The following PRUNE2 variants were observed in gnomAD, a reference collection of about 807,000 sequenced individuals.
The protein encoded by PRUNE2 is protein prune homolog 2.
A neutral mutation model predicts 252.0 loss-of-function variants in PRUNE2; 164 were observed. The observed-to-expected ratio is 0.65, with a 90% CI of 0.57 to 0.74. The LOEUF (loss-of-function observed/expected upper bound fraction) is 0.74. PRUNE2 is among the 30% of genes least tolerant of loss of function. The pLI is 0.00. For synonymous variants in PRUNE2, 1,292 were observed against 1,350.2 expected (o/e 0.96, Z 0.94); for missense variants, 3,495 against 3,711.0 (o/e 0.94, Z 1.51).
chr9:76,663,615 A>AT (rs951002108), intron 9 of PRUNE2, among the ~76,000 whole-genome samples: 66 of 151,806 alleles, frequency 4.3e-4, no homozygotes, highest in African/African-American at 1.4e-3. Context: ...TTGCATGTCA[A>AT]TTTTTTTTTC....
chr9:76,689,914 G>A (rs2044529171), intron 9 of PRUNE2, among the ~76,000 whole-genome samples: 1 of 152,190 alleles, frequency 6.6e-6, no homozygotes, highest in African/African-American at 2.4e-5. Flanking sequence ...TATCAAAATA[G>A]CAGGCAAATA....
chr9:76,640,146 G>T (rs1841953452), intron 12 of PRUNE2, among the ~76,000 whole-genome samples: 1 of 152,166 alleles, frequency 6.6e-6, no homozygotes, highest in South Asian at 2.1e-4. Context: ...TGAGTAGGAG[G>T]ACAGGACATA....
At chr9:76,812,007 G>A (rs997508702) in intron 6 of PRUNE2, among the ~76,000 whole-genome samples, 1 of 152,206 alleles carries the variant, frequency 6.6e-6, no homozygotes, top group Non-Finnish European at 1.5e-5. Context: ...ACTAAGAAAA[G>A]GAAAGAGGGG....
At chr9:76,712,842 G>A (rs2046843278) in intron 7 of PRUNE2, among the ~76,000 whole-genome samples, 1 of 152,138 alleles carries the variant, frequency 6.6e-6, no homozygotes, top group African/African-American at 2.4e-5. Context: ...GAGCTACAGT[G>A]GAGCTCTTGG....
At chr9:76,786,644 T>C (rs764147169) in intron 6 of PRUNE2, 1 of 152,266 alleles carries the variant, frequency 6.6e-6, no homozygotes, top group African/African-American at 2.4e-5. Context: ...TTTCAACGAC[T>C]CTCAAGTCTT....
chr9:76,624,289 G>A (rs1263750951), intron 17 of PRUNE2, among the ~76,000 whole-genome samples, 163 bp downstream of exon 17: 1 of 152,194 alleles, frequency 6.6e-6, no homozygotes, highest in Non-Finnish European at 1.5e-5. Context: ...ATAGATTGTA[G>A]TAAGAATAAT....
intron 9 of PRUNE2, among the ~76,000 whole-genome samples, chr9:76,697,910 C>CT (rs2045537709): frequency 6.6e-6 from 1 of 152,138 alleles, no homozygotes; most frequent in Admixed American, 6.5e-5. Flanking sequence ...TCTGCAAGCA[C>CT]TTACTATGGA....
At chr9:76,881,847 T>G (rs549002854) in intron 1 of PRUNE2, among the ~76,000 whole-genome samples, 5 of 152,056 alleles carry the variant, frequency 3.3e-5, no homozygotes, top group Non-Finnish European at 7.4e-5. Flanking sequence ...GGTCTTGAAC[T>G]CCTGACCTCG....
At chr9:76,687,317 A>G (rs924573213) in intron 9 of PRUNE2, among the ~76,000 whole-genome samples, 2 of 152,190 alleles carry the variant, frequency 1.3e-5, no homozygotes, top group Non-Finnish European at 2.9e-5. Flanking sequence ...AGAACATCCA[A>G]TTTCATCAAC....
intron 9 of PRUNE2, among the ~76,000 whole-genome samples, chr9:76,660,893 A>ACTC: frequency 6.6e-6 from 1 of 151,770 alleles, no homozygotes; most frequent in African/African-American, 2.4e-5. Context: ...GCAAGAAAAA[A>ACTC]CTCTCTGAAA....
intron 6 of PRUNE2, among the ~76,000 whole-genome samples, chr9:76,720,342 T>A (rs946177068): frequency 6.6e-6 from 1 of 152,376 alleles, no homozygotes; most frequent in Non-Finnish European, 1.5e-5. Context: ...AACCTTATTG[T>A]GTCTCTCCAT....
intron 9 of PRUNE2, among the ~76,000 whole-genome samples, chr9:76,701,716 C>T (rs1431800988): frequency 1.3e-5 from 2 of 152,102 alleles, no homozygotes; most frequent in African/African-American, 2.4e-5. Flanking sequence ...AGCTTTTAAC[C>T]CCTTCTGCAC....
intron 6 of PRUNE2, among the ~76,000 whole-genome samples, chr9:76,777,577 G>T (rs2053936842): frequency 6.6e-6 from 1 of 152,198 alleles, no homozygotes; most frequent in Admixed American, 6.5e-5. Flanking sequence ...CCCAATTTAT[G>T]CAAGGCATTC....
chr9:76,638,570 G>C (rs1053137065), intron 12 of PRUNE2, among the ~76,000 whole-genome samples: 5 of 152,266 alleles, frequency 3.3e-5, no homozygotes, highest in Non-Finnish European at 5.9e-5. Flanking sequence ...GTTGTACATA[G>C]TTGTGAAGAG....
intron 6 of PRUNE2, among the ~76,000 whole-genome samples, chr9:76,762,639 A>G (rs1589075881): frequency 6.6e-6 from 1 of 152,138 alleles, no homozygotes; most frequent in Non-Finnish European, 1.5e-5. Flanking sequence ...CATGTTCAAA[A>G]TGCAGGCAGT....
At chr9:76,720,067 G>A (rs1195087755) in intron 6 of PRUNE2, among the ~76,000 whole-genome samples, 2 of 152,162 alleles carry the variant, frequency 1.3e-5, no homozygotes, top group African/African-American at 4.8e-5. Flanking sequence ...CAACACTAGA[G>A]CAATGGTTAA....
chr9:76,704,723 G>A, intron 8 of PRUNE2, 38 bp downstream of exon 8: 2 of 1,357,354 alleles, frequency 1.5e-6, no homozygotes, highest in South Asian at 1.4e-5. Flanking sequence ...AATCAACGCA[G>A]CAGTTTCTTG....
chr9:76,883,767 T>C (rs2061928195), intron 1 of PRUNE2, among the ~76,000 whole-genome samples: 1 of 152,172 alleles, frequency 6.6e-6, no homozygotes, highest in Non-Finnish European at 1.5e-5. Flanking sequence ...CTGACAAAAG[T>C]GGCCCCACCC....
chr9:76,899,206 A>G (rs1197490365), intron 1 of PRUNE2, among the ~76,000 whole-genome samples: 1 of 152,176 alleles, frequency 6.6e-6, no homozygotes, highest in East Asian at 1.9e-4. Context: ...TACGGTTCCA[A>G]TGGTTCCACT....
Sources: gnomAD v4.1 joint callset for allele counts (sites outside exome capture counted in the v4.1 genomes callset) on GRCh38, gnomAD v4.1.1 for gene constraint, MANE v1.5 for transcripts, NCBI Gene and HGNC (gene_info 2026-07-23, HGNC 2026-07-21) for gene names.